The following SRRD variants were observed in gnomAD, a reference collection of about 807,000 sequenced individuals.
SRRD encodes SRR1 domain containing, also known as SRR1-like protein.
Under a neutral mutation model 30.7 loss-of-function variants are expected in SRRD, and 28 were observed. The observed-to-expected ratio is 0.91, with a 90% confidence interval of 0.68 to 1.25. The LOEUF is 1.25. SRRD is among the 50% of genes most tolerant of loss of function. The pLI is 0.00. For missense variants in SRRD, 415 were observed against 417.3 expected (o/e 0.99, Z 0.05); for synonymous variants, 161 against 159.6 (o/e 1.01, Z -0.07).
In SRRD at chr22:26,494,541, G is replaced by A; in HGVS notation, c.*2869G>A. 1 of 697,142 alleles carries A rather than the reference G, an allele frequency of 1.4e-6. No individual in the cohort carries two copies. Among genetic ancestry groups the A allele is most frequent in the Non-Finnish European group, 2.4e-6 (1 of 423,504 alleles). The allele number at this position is 697,142 out of a possible 1,614,324, so 43.2% of individuals were successfully genotyped here. On this transcript the variant is annotated 3_prime_UTR_variant, in exon 7 of 7. Transcript: ENST00000215917. The stretch of plus-strand genomic sequence containing the variant: ...CCTCAGCTTCCATGTCTACACAACA[G>A]GGATACCATATCCCCTACCCCATAG...
intron 2 of SRRD, among the ~76,000 whole-genome samples, chr22:26,487,506 T>C (rs2091717100): frequency 6.6e-6 from 1 of 152,174 alleles, no homozygotes; most frequent in Non-Finnish European, 1.5e-5. Context: ...ACTACAGCTG[T>C]GCGCCAGTAC....
rs1021142162 is a variant in SRRD at position 26,490,172 on chromosome 22, G to C, written c.738G>C (p.Gly246=). 3.1e-6 allele frequency: 5 copies of C among 1,614,106 alleles called. No homozygotes were observed. The highest frequency in any genetic ancestry group is 3.3e-4 in the Middle Eastern group (2 of 6,062). Residue 246 remains glycine, a synonymous_variant, in exon 5 of 7, where the codon GGG becomes GGC. Coordinates refer to ENST00000215917, the MANE Select transcript of SRRD (RefSeq NM_001013694.3). ...CCCTTTCTAAGATGGTCATCATTGG[G>C]AACAGTTTCAAAGGACTTGAGGAGA... ...VDALSKMVII[G]NSFKGLEERL...
intron 1 of SRRD, among the ~76,000 whole-genome samples, chr22:26,484,765 A>G (rs1226995162): frequency 6.6e-6 from 1 of 152,224 alleles, no homozygotes; most frequent in Non-Finnish European, 1.5e-5. Flanking sequence ...CTTGCTCTGT[A>G]CCTTAGAAAG....
At position 26,492,432 on chromosome 22, in the gene SRRD, T is replaced by G. The variant is rs1921338811; in HGVS notation, c.*760T>G. 1 of 1,502,260 alleles carries G rather than the reference T, an allele frequency of 6.7e-7. No homozygotes were observed. Among genetic ancestry groups the G allele is most frequent in the African/African-American group, 1.4e-5 (1 of 72,884 alleles). 93.1% of individuals were successfully genotyped at this position (1,502,260 alleles called of 1,614,324 possible). A position where few individuals can be genotyped will look rare whatever the true frequency, so the allele number is the denominator to read the frequency against. ...TCCAGGTGTATGGAAGTTGACACTG[T>G]GGCTTGGCCCAGGTCTTGGGTGTGC... On this transcript the variant is annotated 3_prime_UTR_variant, in exon 7 of 7. Transcript: ENST00000215917.
Position 26,494,140 on chromosome 22 carries a change from A to C in SRRD, c.*2468A>C. 1 of 1,613,116 alleles carries C rather than the reference A, an allele frequency of 6.2e-7. No individual in the cohort carries two copies. The highest frequency in any genetic ancestry group is 2.2e-5 in the East Asian group (1 of 44,860). On this transcript the variant is annotated 3_prime_UTR_variant, in exon 7 of 7. Transcript: ENST00000215917. ...TCCAAAATGGGAATCCTCACTTACC[A>C]ACGTTGGAGGACACCGCCCGGTTCA...
chr22:26,492,073 G>A lies in SRRD; in HGVS notation c.*401G>A. 1 of 1,612,658 alleles carries A rather than the reference G, an allele frequency of 6.2e-7. No individual in the cohort carries two copies. The highest frequency in any genetic ancestry group is 8.5e-7 in the Non-Finnish European group (1 of 1,179,424). ...TGGGCACCCACGTCTTCTCGCCCTG[G>A]ACAAAGACCACTCCCCGGTCGATGT... On this transcript the variant is annotated 3_prime_UTR_variant, in exon 7 of 7. Transcript: ENST00000215917.
chr22:26,493,435 T>C lies in SRRD; in HGVS notation c.*1763T>C, dbSNP rs943739005. 2.6e-5 allele frequency: 4 copies of C among 152,306 alleles called. No individual in the cohort carries two copies. The highest frequency in any genetic ancestry group is 5.9e-5 in the Non-Finnish European group (4 of 68,098). 9.4% of individuals were successfully genotyped at this position (152,306 alleles called of 1,614,324 possible). On this transcript the variant is annotated 3_prime_UTR_variant, in exon 7 of 7. Transcript: ENST00000215917. ...CAGGCTCTCAGCCTCGCTGGGCTTA[T>C]CTGTAAAACACAGACTAGACGATCC... is the stretch of plus-strand genomic sequence containing the variant.
chr22:26,484,061 T>G lies in SRRD; in HGVS notation c.171T>G (p.Ser57=). ...GGGGCCCCGAGGCGGAGTTCGAGTCTGACAGCGGAGTCGTGCTTCGTCGCA... is the reference window on the plus strand; with the variant it reads ...GGGGCCCCGAGGCGGAGTTCGAGTCGGACAGCGGAGTCGTGCTTCGTCGCA... The part of the protein sequence containing the change: ...APRGPEAEFE[S]DSGVVLRRIW... The change falls in exon 1 of 7, where the codon TCT becomes TCG. Residue 57 remains serine, a synonymous_variant. Transcript: ENST00000215917. The G allele has an allele frequency of 6.7e-7, 1 of 1,485,040 alleles. No individual in the cohort carries two copies. The highest frequency in any genetic ancestry group is 1.3e-5 in the South Asian group (1 of 79,474). 92.0% of individuals were successfully genotyped at this position (1,485,040 alleles called of 1,614,324 possible).
At chr22:26,491,115 CTG>C (rs780655000) in intron 6 of SRRD, 45 bp downstream of exon 6, 15 of 1,577,358 alleles carry the variant, frequency 9.5e-6, no homozygotes, top group African/African-American at 1.4e-5. Flanking sequence ...GGGTGTGAAA[CTG>C]TGAAGAATTC....
Position 26,492,413 on chromosome 22 carries a change from TG to T in SRRD, c.*742del. On this transcript the variant is annotated 3_prime_UTR_variant, in exon 7 of 7. Transcript: ENST00000215917. ...GGCGGTGAGGAGAGGTGTTTCCAGG[TG>T]TATGGAAGTTGACACTGTGGCTTGG... 6.4e-7 allele frequency: 1 copy of T among 1,574,184 alleles called. No homozygotes were observed. The highest frequency in any genetic ancestry group is 8.7e-7 in the Non-Finnish European group (1 of 1,149,418).
intron 2 of SRRD, among the ~76,000 whole-genome samples, chr22:26,487,675 G>A (rs1053198956): frequency 6.6e-5 from 10 of 152,154 alleles, no homozygotes; most frequent in African/African-American, 2.2e-4. Flanking sequence ...TTAAAAGTAC[G>A]CATTTCAGAG....
At chr22:26,487,859 C>G in intron 2 of SRRD, 170 bp from the exon 3 acceptor site, 1 of 692,818 alleles carries the variant, frequency 1.4e-6, no homozygotes, top group South Asian at 2.1e-5. Context: ...GACTGTATGT[C>G]CAGGCATGTT....
chr22:26,489,317 A>G (rs1320976913), intron 4 of SRRD, among the ~76,000 whole-genome samples: 3 of 152,120 alleles, frequency 2.0e-5, no homozygotes, highest in Non-Finnish European at 4.4e-5. Context: ...ATGGTCAACA[A>G]GTGAATGAGG....
At position 26,483,881 on chromosome 22, in the gene SRRD, T is replaced by G; in HGVS notation, c.-10T>G. The G allele has an allele frequency of 7.4e-7, 1 of 1,349,798 alleles. No individual in the cohort carries two copies. 83.6% of individuals were successfully genotyped at this position (1,349,798 alleles called of 1,614,324 possible). A position where few individuals can be genotyped will look rare whatever the true frequency, so the allele number is the denominator to read the frequency against. ...CCGAGTGCGCCGCACGCCGCTGACG[T>G]CAGAGACCAATGGCTGCGGCCGCAG... On this transcript the variant is annotated 5_prime_UTR_variant, in exon 1 of 7. Transcript: ENST00000215917.
At position 26,491,935 on chromosome 22, in the gene SRRD, G is replaced by T. The variant is rs1443640549; in HGVS notation, c.*263G>T. The T allele has an allele frequency of 3.7e-6, 5 of 1,364,872 alleles. No homozygotes were observed. Among genetic ancestry groups the T allele is most frequent in the Middle Eastern group, 1.9e-4 (1 of 5,390 alleles). 84.5% of individuals were successfully genotyped at this position (1,364,872 alleles called of 1,614,324 possible). A position where few individuals can be genotyped will look rare whatever the true frequency, so the allele number is the denominator to read the frequency against. ...GAGTAAAGAAGTTACCCTTTTGAAG[G>T]TGATCTAAAAATACTGTTTATTTAC... On this transcript the variant is annotated 3_prime_UTR_variant, in exon 7 of 7. Transcript: ENST00000215917.
Position 26,491,922 on chromosome 22 carries a change from TA to T in SRRD, c.*251del. On this transcript the variant is annotated 3_prime_UTR_variant, in exon 7 of 7. Coordinates refer to ENST00000215917, the MANE Select transcript of SRRD (RefSeq NM_001013694.3). ...TGGAGTAGCTCCTGAGTAAAGAAGTTACCCTTTTGAAGGTGATCTAAAAATA... is the reference window on the plus strand; with the variant it reads ...TGGAGTAGCTCCTGAGTAAAGAAGTTCCCTTTTGAAGGTGATCTAAAAATA... 1 of 1,299,458 alleles carries T rather than the reference TA, an allele frequency of 7.7e-7. No individual in the cohort carries two copies. The highest frequency in any genetic ancestry group is 1.1e-6 in the Non-Finnish European group (1 of 943,746). The allele number at this position is 1,299,458 out of a possible 1,614,324, so 80.5% of individuals were successfully genotyped here.
chr22:26,488,554 C>T (rs562733282), intron 4 of SRRD, 66 bp downstream of exon 4: 1 of 1,196,584 alleles, frequency 8.4e-7, no homozygotes, highest in Admixed American at 1.7e-5. Flanking sequence ...CCAGGCCCTG[C>T]CTGTGGACAC....
rs1353465991 is a variant in SRRD at position 26,493,101 on chromosome 22, C to T, written c.*1429C>T. 6.6e-6 allele frequency: 1 copy of T among 151,732 alleles called. No homozygotes were observed. The allele number at this position is 151,732 out of a possible 1,614,324, so 9.4% of individuals were successfully genotyped here. A position where few individuals can be genotyped will look rare whatever the true frequency, so the allele number is the denominator to read the frequency against. ...GAGTGCAGTGCTTGCAATCTCGGCT[C>T]ACTACAACCTCTGCCTCCCAGGTTT... On this transcript the variant is annotated 3_prime_UTR_variant, in exon 7 of 7. Transcript: ENST00000215917.
At chr22:26,485,738 A>G (rs1007466897) in intron 1 of SRRD, among the ~76,000 whole-genome samples, 4 of 152,152 alleles carry the variant, frequency 2.6e-5, no homozygotes, top group African/African-American at 4.8e-5. Context: ...TTGAGCTGCA[A>G]TTCTATGCTA....
Sources: allele counts gnomAD v4.1 joint callset (sites outside exome capture counted in the v4.1 genomes callset), GRCh38; gene constraint gnomAD v4.1.1; transcripts MANE v1.5; gene names NCBI Gene and HGNC (gene_info 2026-07-23, HGNC 2026-07-21).